The following GALNT2 variants were observed in gnomAD, a reference collection of about 807,000 sequenced individuals.
GALNT2 encodes the protein UDP-GalNAc:polypeptide N-acetylgalactosaminyltransferase 2.
In GALNT2, 31 loss-of-function variants were observed where a neutral mutation model predicts 81.4. That is an observed-to-expected ratio of 0.38 (90% CI 0.29 to 0.51). The LOEUF is 0.51. Ranked by LOEUF, GALNT2 falls within the 20% of genes least tolerant of loss-of-function variation. GALNT2 has a pLI of 0.87. For synonymous variants in GALNT2, 303 were observed against 287.4 expected (o/e 1.05, Z -0.55); for missense variants, 629 against 765.7 (o/e 0.82, Z 2.11).
At chr1:230,274,994 CATAT>C (rs1666248419) in intron 15 of GALNT2, among the ~76,000 whole-genome samples, 1 of 151,454 alleles carries the variant, frequency 6.6e-6, no homozygotes, top group African/African-American at 2.4e-5. Flanking sequence ...TACATATATA[CATAT>C]ATACATGCCA....
chr1:230,157,783 C>A (rs4631704), intron 1 of GALNT2, among the ~76,000 whole-genome samples: 5 of 151,958 alleles, frequency 3.3e-5, no homozygotes, highest in Admixed American at 1.3e-4. Flanking sequence ...AAAGGCAAAA[C>A]TACAGAGAAA....
chr1:230,196,876 G>A (rs961855884), intron 2 of GALNT2, among the ~76,000 whole-genome samples: 139 of 152,232 alleles, frequency 9.1e-4, no homozygotes, highest in African/African-American at 8.2e-4. Flanking sequence ...GGTGCTTCCC[G>A]TCTCTGCACA....
chr1:230,086,848 C>A (rs1319315093), intron 1 of GALNT2, among the ~76,000 whole-genome samples: 1 of 152,144 alleles, frequency 6.6e-6, no homozygotes, highest in Non-Finnish European at 1.5e-5. Context: ...CAGTGCTGAG[C>A]TTTGGAGTCA....
intron 1 of GALNT2, among the ~76,000 whole-genome samples, chr1:230,078,530 G>C (rs147187267): frequency 1.3e-5 from 2 of 152,306 alleles, no homozygotes; most frequent in African/African-American, 4.8e-5. Context: ...CTGTAGTTTG[G>C]GATATTCCAC....
At chr1:230,063,352 T>C (rs1397935485), upstream of GALNT2, among the ~76,000 whole-genome samples, 1 of 151,952 alleles carries the variant, frequency 6.6e-6, no homozygotes, top group Non-Finnish European at 1.5e-5. Flanking sequence ...TCCTAATGGA[T>C]ATGAAGTGGT....
chr1:230,268,557 C>T (rs115255225), intron 14 of GALNT2: 6,746 of 152,334 alleles, frequency 0.044, 193 homozygotes, highest in Non-Finnish European at 0.065. Context: ...AGGCCCCGGC[C>T]GAGAGAGTTC....
intron 1 of GALNT2, among the ~76,000 whole-genome samples, chr1:230,121,374 G>A (rs114925615): frequency 0.017 from 2,663 of 152,300 alleles, 72 homozygotes; most frequent in African/African-American, 0.055. Context: ...GCTTTTGTGC[G>A]TGAACAGACA....
chr1:230,081,803 G>A (rs1340359134), intron 1 of GALNT2, among the ~76,000 whole-genome samples: 5 of 152,214 alleles, frequency 3.3e-5, no homozygotes, highest in East Asian at 1.9e-4. Flanking sequence ...TAACCATGAC[G>A]AGGAAGGATG....
intron 3 of GALNT2, among the ~76,000 whole-genome samples, chr1:230,225,037 C>A (rs1441658547): frequency 6.6e-6 from 1 of 152,168 alleles, no homozygotes; most frequent in Non-Finnish European, 1.5e-5. Flanking sequence ...AGAGGTCCTG[C>A]AGAGGTTTTT....
intron 2 of GALNT2, among the ~76,000 whole-genome samples, chr1:230,196,572 C>G (rs1331928193): frequency 6.6e-6 from 1 of 152,178 alleles, no homozygotes; most frequent in Non-Finnish European, 1.5e-5. Flanking sequence ...TAGTATTCTT[C>G]CAACCCTAGG....
intron 6 of GALNT2, among the ~76,000 whole-genome samples, chr1:230,237,205 C>T (rs529722500): frequency 6.6e-6 from 1 of 152,336 alleles, no homozygotes; most frequent in East Asian, 1.9e-4. Context: ...AACCTTCTGT[C>T]AGTCTTATCT....
chr1:230,083,502 G>T (rs1571941117), intron 1 of GALNT2, among the ~76,000 whole-genome samples: 1 of 152,242 alleles, frequency 6.6e-6, no homozygotes, highest in East Asian at 1.9e-4. Flanking sequence ...GGATGATGGA[G>T]CTGGGGGGCC....
At chr1:230,147,923 C>G (rs1479895434) in intron 1 of GALNT2, among the ~76,000 whole-genome samples, 1 of 152,220 alleles carries the variant, frequency 6.6e-6, no homozygotes, top group African/African-American at 2.4e-5. Flanking sequence ...GTAGATGCTC[C>G]TAGCACACGT....
At chr1:230,169,962 G>A (rs1662739739) in intron 1 of GALNT2, among the ~76,000 whole-genome samples, 1 of 152,202 alleles carries the variant, frequency 6.6e-6, no homozygotes, top group African/African-American at 2.4e-5. Flanking sequence ...TGAACACTGA[G>A]AACTGCCTGG....
chr1:230,227,458 CAGCTATATATATATATGCTATATAATAT>C (rs1480157681), intron 3 of GALNT2, among the ~76,000 whole-genome samples: 2 of 149,448 alleles, frequency 1.3e-5, no homozygotes, highest in Non-Finnish European at 3.0e-5. Context: ...CTATATAATA[CAGCTATATATATATATGCTATATAATAT>C]AGCTATATAT....
intron 3 of GALNT2, among the ~76,000 whole-genome samples, chr1:230,228,042 CGGTATCAG>C (rs923689714): frequency 3.9e-5 from 6 of 151,994 alleles, no homozygotes; most frequent in Non-Finnish European, 8.8e-5. Context: ...ATACAAAAAC[CGGTATCAG>C]TAACGGCCAA....
At position 230,279,735 on chromosome 1, in the gene GALNT2, G is replaced by A. The variant is rs770814878; in HGVS notation, c.*277G>A. The A allele has an allele frequency of 1.7e-5, 9 of 527,488 alleles. No individual in the cohort carries two copies. The highest frequency in any genetic ancestry group is 5.3e-5 in the South Asian group (3 of 56,186). 32.7% of individuals were successfully genotyped at this position (527,488 alleles called of 1,614,324 possible). The stretch of plus-strand genomic sequence containing the variant: ...CTTCCTTCCAGCTTTCACTTCTGCC[G>A]GCTCCGCAACTGAGTGACACCCAGC... On this transcript the variant is annotated 3_prime_UTR_variant, in exon 16 of 16. Transcript: ENST00000366672. This position sits in a 1 kb window ranked among gnomAD's most constrained non-coding sequence, Gnocchi z 4.6.
Position 230,256,091 on chromosome 1 carries a change from C to T in GALNT2, c.1136+747C>T, listed in dbSNP as rs149845795. Among the ~76,000 whole-genome samples, 1,347 of 152,186 alleles carry T rather than the reference C, an allele frequency of 8.9e-3. 7 individuals are homozygous for T. Among genetic ancestry groups the T allele is most frequent in the Non-Finnish European group, 0.013 (857 of 68,002 alleles). On this transcript the variant is annotated intron_variant, in intron 11 of 15. Transcript: ENST00000366672. ...CCCTTTTATAATAGCATCAATCCCC[C>T]CCATGAGAGTGGAGCCCTCATGGCA...
At chr1:230,137,936 A>G (rs1399088041) in intron 1 of GALNT2, among the ~76,000 whole-genome samples, 1 of 152,194 alleles carries the variant, frequency 6.6e-6, no homozygotes, top group South Asian at 2.1e-4. Flanking sequence ...CTAGGTTCTT[A>G]GTTTTGATTT....
Sources: gnomAD v4.1 joint callset for allele counts (sites outside exome capture counted in the v4.1 genomes callset) on GRCh38, gnomAD v4.1.1 for gene constraint, Gnocchi (gnomAD v3.1) non-coding constraint, MANE v1.5 for transcripts, NCBI Gene and HGNC (gene_info 2026-07-23, HGNC 2026-07-21) for gene names.